Variants in BMPER observed in about 807,000 individuals in gnomAD.
BMPER encodes the protein BMP-binding endothelial regulator protein.
BMPER carries 45 observed loss-of-function variants against 87.3 expected under a neutral mutation model. The ratio of observed to expected loss-of-function variants is 0.52; its 90% CI spans 0.41 to 0.66. The LOEUF (loss-of-function observed/expected upper bound fraction) is 0.66. Ranked by LOEUF, BMPER falls within the 30% of genes least tolerant of loss-of-function variation. The probability of loss-of-function intolerance (pLI) is 0.00; values close to 1 mark genes in which losing one functional copy is unlikely to be tolerated. For missense variants in BMPER, 784 were observed against 867.5 expected, an observed-to-expected ratio of 0.90 and a Z score of 1.21; for synonymous variants, 326 against 316.2, an observed-to-expected ratio of 1.03 and a Z score of -0.33.
At chr7:34,094,639 T>G (rs1789482018) in intron 13 of BMPER, among the ~76,000 whole-genome samples, 1 of 152,198 alleles carries the variant, frequency 6.6e-6, no homozygotes, top group South Asian at 2.1e-4. Flanking sequence ...ACTTCTGAGC[T>G]CCTTAACTTG....
At chr7:33,986,856 A>C (rs1024444371) in intron 6 of BMPER, among the ~76,000 whole-genome samples, 2 of 152,222 alleles carry the variant, frequency 1.3e-5, no homozygotes, top group Non-Finnish European at 2.9e-5. Context: ...GTCCATTATT[A>C]GCCAGATAAC....
chr7:34,144,279 G>A (rs1419506546), intron 14 of BMPER, among the ~76,000 whole-genome samples: 1 of 151,866 alleles, frequency 6.6e-6, no homozygotes, highest in Non-Finnish European at 1.5e-5. Context: ...CCTGAGGTGG[G>A]CTAGGGGAAG....
chr7:33,994,757 G>A (rs1158482298), intron 6 of BMPER, among the ~76,000 whole-genome samples: 1 of 152,158 alleles, frequency 6.6e-6, no homozygotes, highest in African/African-American at 2.4e-5. Context: ...ATTGTCCTGG[G>A]AGTGAGGAGA....
At chr7:33,929,621 T>C (rs990453257) in intron 2 of BMPER, among the ~76,000 whole-genome samples, 2 of 152,194 alleles carry the variant, frequency 1.3e-5, no homozygotes, top group African/African-American at 2.4e-5. Context: ...CTATATAGCA[T>C]AGTGATGAAA....
At chr7:34,143,405 T>G in intron 14 of BMPER, 45 bp downstream of exon 14, 4 of 1,611,712 alleles carry the variant, frequency 2.5e-6, no homozygotes, top group Non-Finnish European at 3.4e-6. Flanking sequence ...TTTACTGCAA[T>G]GCCCAAGATG....
chr7:34,016,414 A>AAATGGTTGAACTCAGTAGTCTG (rs1562690852), intron 6 of BMPER, among the ~76,000 whole-genome samples: 1 of 151,978 alleles, frequency 6.6e-6, no homozygotes, highest in Admixed American at 6.6e-5. Context: ...TTTCTAAAGC[A>AAATGGTTGAACTCAGTAGTCTG]AATGGTTGAA....
intron 14 of BMPER, among the ~76,000 whole-genome samples, chr7:34,151,578 A>G (rs1488094945): frequency 1.3e-5 from 2 of 152,194 alleles, no homozygotes; most frequent in Non-Finnish European, 2.9e-5. Context: ...ATGTTTCAAT[A>G]TAAGTGACTA....
chr7:34,005,422 C>T (rs1786699756), intron 6 of BMPER, among the ~76,000 whole-genome samples: 1 of 151,956 alleles, frequency 6.6e-6, no homozygotes, highest in Non-Finnish European at 1.5e-5. Flanking sequence ...TTTGATAGCT[C>T]TGACAATGTT....
At chr7:34,152,473 G>T (rs1791202587) in intron 14 of BMPER, among the ~76,000 whole-genome samples, 1 of 152,104 alleles carries the variant, frequency 6.6e-6, no homozygotes, top group South Asian at 2.1e-4. Flanking sequence ...TAGTAAATTG[G>T]CTGTGACGTG....
chr7:34,051,853 C>G lies in BMPER; in HGVS notation c.677-8C>G, dbSNP rs1400667580. On this transcript the variant is annotated splice_region_variant and splice_polypyrimidine_tract_variant and intron_variant, in intron 7 of 14. Coordinates refer to ENST00000649409, the MANE Select transcript of BMPER (RefSeq NM_001365308.1). ...TCTTACTTACACTGTGCTTCTGTTT[C>G]TCTCTAGGTCAGAGGAAAGTGTTTG... 6.2e-7 allele frequency: 1 copy of G among 1,605,378 alleles called. No individual in the cohort carries two copies.
At chr7:34,134,117 C>T (rs1790660216) in intron 13 of BMPER, among the ~76,000 whole-genome samples, 2 of 152,136 alleles carry the variant, frequency 1.3e-5, no homozygotes, top group South Asian at 4.1e-4. Context: ...CTCAGATGCA[C>T]TCACCCTTCT....
At chr7:34,136,594 C>T (rs1478947091) in intron 13 of BMPER, among the ~76,000 whole-genome samples, 1 of 152,156 alleles carries the variant, frequency 6.6e-6, no homozygotes, top group Non-Finnish European at 1.5e-5. Flanking sequence ...GCCCAGGTAC[C>T]AATAAACCTA....
chr7:34,106,967 A>G (rs928131473), intron 13 of BMPER, among the ~76,000 whole-genome samples: 1 of 152,178 alleles, frequency 6.6e-6, no homozygotes, highest in African/African-American at 2.4e-5. Flanking sequence ...CCAGTCACAC[A>G]TGCTTTTTCT....
At chr7:34,112,635 T>C (rs897269667) in intron 13 of BMPER, among the ~76,000 whole-genome samples, 2 of 152,048 alleles carry the variant, frequency 1.3e-5, no homozygotes, top group African/African-American at 4.8e-5. Flanking sequence ...GGTCATATTG[T>C]GTATACTGTT....
At chr7:34,129,602 G>GAAAGAA (rs1187150610) in intron 13 of BMPER, among the ~76,000 whole-genome samples, 3 of 93,136 alleles carry the variant, frequency 3.2e-5, no homozygotes, top group Admixed American at 1.2e-4. Context: ...GAGAGAGAGA[G>GAAAGAA]AGAGAGAAAG....
Position 34,073,824 on chromosome 7 carries a change from T to C in BMPER, c.1079-5033T>C, listed in dbSNP as rs182677581. 7.7e-4 allele frequency among the ~76,000 whole-genome samples: 118 copies of C among 152,328 alleles called. 1 individual carries two copies. The highest frequency in any genetic ancestry group is 2.6e-3 in the African/African-American group (110 of 41,582). On this transcript the variant is annotated intron_variant, in intron 11 of 14. Transcript: ENST00000649409. ...TTTTGCTTTTGAAATTTAGAGGAAA[T>C]AGACGACTTTGGCTGAGGCAGCAGG...
intron 13 of BMPER, among the ~76,000 whole-genome samples, chr7:34,121,389 T>G (rs2127989257): frequency 6.6e-6 from 1 of 152,324 alleles, no homozygotes; most frequent in Non-Finnish European, 1.5e-5. Flanking sequence ...AATATTTTGG[T>G]TTCCTTATTT....
At chr7:34,041,153 A>G (rs1787822391) in intron 6 of BMPER, among the ~76,000 whole-genome samples, 1 of 152,134 alleles carries the variant, frequency 6.6e-6, no homozygotes, top group African/African-American at 2.4e-5. Flanking sequence ...TTAGAACTAA[A>G]TTTACATTTC....
intron 6 of BMPER, among the ~76,000 whole-genome samples, chr7:33,993,821 T>C (rs1786308866): frequency 6.6e-6 from 1 of 152,226 alleles, no homozygotes; most frequent in South Asian, 2.1e-4. Flanking sequence ...TTTCTGTTTG[T>C]TAGTTTTCCT....
Sources: allele counts gnomAD v4.1 joint callset (sites outside exome capture counted in the v4.1 genomes callset), GRCh38; gene constraint gnomAD v4.1.1; transcripts MANE v1.5; gene names NCBI Gene and HGNC (gene_info 2026-07-23, HGNC 2026-07-21).